The following NAV2 variants were observed in gnomAD, a reference collection of about 807,000 sequenced individuals.
NAV2 encodes the protein helicase, APC down-regulated 1.
In NAV2, 54 loss-of-function variants were observed where a neutral mutation model predicts 223.2. The ratio of observed to expected loss-of-function variants is 0.24; its 90% confidence interval spans 0.19 to 0.30. The LOEUF is 0.30. NAV2 is among the 10% of genes least tolerant of loss of function. The probability of loss-of-function intolerance (pLI) is 1.00; values close to 1 mark genes in which losing one functional copy is unlikely to be tolerated. For missense variants in NAV2, 2,806 were observed against 3,147.5 expected (o/e 0.89, Z 2.60); for synonymous variants, 1,279 against 1,239.3 (o/e 1.03, Z -0.67).
chr11:19,940,996 G>T (rs2046352072), intron 8 of NAV2, among the ~76,000 whole-genome samples: 1 of 152,210 alleles, frequency 6.6e-6, no homozygotes, highest in Non-Finnish European at 1.5e-5. Context: ...ATTGTGTTCT[G>T]ATGTGCAGAC....
chr11:19,558,881 G>A (rs931047819), intron 1 of NAV2, among the ~76,000 whole-genome samples: 2 of 152,174 alleles, frequency 1.3e-5, no homozygotes, highest in Non-Finnish European at 2.9e-5. Flanking sequence ...CATTCTCAGG[G>A]TATGTTTATG....
At position 19,949,055 on chromosome 11, in the gene NAV2, A is replaced by T; in HGVS notation, c.2620A>T (p.Ile874Phe). 6.2e-7 allele frequency: 1 copy of T among 1,610,600 alleles called. No individual in the cohort carries two copies. The highest frequency in any genetic ancestry group is 8.5e-7 in the Non-Finnish European group (1 of 1,177,674). Residue 874 changes from isoleucine to phenylalanine, a missense_variant, in exon 10 of 38, where the codon ATC becomes TTC. Ile to Phe is a conservative substitution (Grantham distance 21). Transcript: ENST00000349880. ...CGACGGGGATGTTCTGAGCAAGAAC[A>T]TCCGGACCGATGACATTACAAGCGG... ...MSDGDVLSKN[I>F]RTDDITSGYM...
chr11:19,719,857 C>A (rs1360739630), intron 1 of NAV2, among the ~76,000 whole-genome samples: 2 of 152,176 alleles, frequency 1.3e-5, no homozygotes, highest in Non-Finnish European at 2.9e-5. Context: ...ATAACAGTAA[C>A]CAAGCTGAGG....
At chr11:19,788,398 C>T (rs1213423976) in intron 1 of NAV2, among the ~76,000 whole-genome samples, 1 of 152,190 alleles carries the variant, frequency 6.6e-6, no homozygotes, top group Non-Finnish European at 1.5e-5. Flanking sequence ...TCCTTGAGTC[C>T]TCCTCTTCTG....
chr11:20,041,868 C>T (rs1158975044), intron 12 of NAV2, among the ~76,000 whole-genome samples: 4 of 152,162 alleles, frequency 2.6e-5, no homozygotes, highest in Non-Finnish European at 4.4e-5. Flanking sequence ...TTGAACTGAT[C>T]ACTGTCGCCT....
intron 1 of NAV2, among the ~76,000 whole-genome samples, chr11:19,561,301 G>A (rs914590432): frequency 2.6e-5 from 4 of 152,168 alleles, no homozygotes; most frequent in Admixed American, 6.5e-5. Flanking sequence ...TGGGTGCAGC[G>A]TCTCCTAACC....
chr11:20,098,956 GC>G (rs1211059352), intron 31 of NAV2, among the ~76,000 whole-genome samples: 1 of 152,202 alleles, frequency 6.6e-6, no homozygotes, highest in East Asian at 1.9e-4. Context: ...GCCCCTGGTA[GC>G]CCAATTCCTT....
At chr11:19,759,771 A>G (rs2054574727) in intron 1 of NAV2, among the ~76,000 whole-genome samples, 1 of 152,216 alleles carries the variant, frequency 6.6e-6, no homozygotes, top group Non-Finnish European at 1.5e-5. Flanking sequence ...GTGAACTGAA[A>G]AAATAATATA....
At chr11:19,765,970 G>T (rs1465150925) in intron 1 of NAV2, among the ~76,000 whole-genome samples, 1 of 151,996 alleles carries the variant, frequency 6.6e-6, no homozygotes, top group Admixed American at 6.5e-5. Context: ...CCTAGCATCA[G>T]CTCTTCCAGG....
upstream of NAV2, chr11:19,711,416 G>A (rs1308362134): frequency 6.6e-6 from 1 of 152,164 alleles, no homozygotes; most frequent in Non-Finnish European, 1.5e-5. Context: ...TGCCTTCTGT[G>A]TCCTCACAAG....
At chr11:19,428,897 G>T (rs559249606) in intron 1 of NAV2, among the ~76,000 whole-genome samples, 1 of 152,190 alleles carries the variant, frequency 6.6e-6, no homozygotes, top group South Asian at 2.1e-4. Context: ...GAACCTTGAC[G>T]TGTGTGCATT....
chr11:19,512,448 C>T lies in NAV2; in HGVS notation c.75+161421C>T, dbSNP rs114868932. Among the ~76,000 whole-genome samples the T allele has an allele frequency of 2.9e-3, 436 of 152,210 alleles. 2 individuals carry two copies. The highest frequency in any genetic ancestry group is 9.7e-3 in the African/African-American group (401 of 41,526). On this transcript the variant is annotated intron_variant, in intron 1 of 37. Coordinates refer to the NAV2 transcript ENST00000360655. ...TGCCAACTACCAATGGCCCATGTGT[C>T]TGGGGAGAACCAGAGAGGGAGGCTA...
At chr11:19,412,109 G>A (rs1261523840) in intron 1 of NAV2, among the ~76,000 whole-genome samples, 3 of 152,138 alleles carry the variant, frequency 2.0e-5, no homozygotes, top group African/African-American at 4.8e-5. Flanking sequence ...CTGAAGCCAG[G>A]GAGACAAGTG....
chr11:19,489,238 G>T (rs527457345), intron 1 of NAV2, among the ~76,000 whole-genome samples: 1 of 152,292 alleles, frequency 6.6e-6, no homozygotes, highest in African/African-American at 2.4e-5. Context: ...CTTAATTGAA[G>T]CCGCATCTGC....
intron 1 of NAV2, among the ~76,000 whole-genome samples, chr11:19,605,448 C>G (rs2046450653): frequency 6.6e-6 from 1 of 150,900 alleles, no homozygotes; most frequent in Non-Finnish European, 1.5e-5. Flanking sequence ...TTATTTCTAT[C>G]TATTTTAAAA....
intron 19 of NAV2, chr11:20,056,476 T>C (rs767569776): frequency 9.2e-6 from 11 of 1,194,018 alleles, no homozygotes; most frequent in Non-Finnish European, 1.4e-5. Flanking sequence ...TTTCTTTGGT[T>C]GCTAACTGAG....
chr11:19,536,324 A>G (rs1210453835), intron 1 of NAV2, among the ~76,000 whole-genome samples: 3 of 152,162 alleles, frequency 2.0e-5, no homozygotes, highest in South Asian at 2.1e-4. Context: ...CGACTGCACT[A>G]TGCTGGCTGG....
rs534869323 is a variant in NAV2, at chr11:19,923,815, A to G, written c.932-9361A>G. ...GCCAATTTTGTACTTTCTTATAGCC[A>G]TATATGGTACAAGATAGAGAAATTG... On this transcript the variant is annotated intron_variant, in intron 6 of 37. Transcript: ENST00000349880. 2.2e-4 allele frequency among the ~76,000 whole-genome samples: 34 copies of G among 152,338 alleles called. 1 individual carries two copies. Among genetic ancestry groups the G allele is most frequent in the African/African-American group, 7.9e-4 (33 of 41,588 alleles).
At chr11:20,073,516 G>T (rs935972257) in intron 22 of NAV2, among the ~76,000 whole-genome samples, 17 of 152,166 alleles carry the variant, frequency 1.1e-4, no homozygotes, top group Admixed American at 1.0e-3. Context: ...AATGGTACTA[G>T]ATCCTCTTTG....
Sources: gnomAD v4.1 joint callset for allele counts (sites outside exome capture counted in the v4.1 genomes callset) on GRCh38, gnomAD v4.1.1 for gene constraint, MANE v1.5 for transcripts, NCBI Gene and HGNC (gene_info 2026-07-23, HGNC 2026-07-21) for gene names.